SLC14A2: variants seen among roughly 807,000 people sequenced by gnomAD.
SLC14A2 encodes the protein urea transporter 2.
A neutral mutation model predicts 104.6 loss-of-function variants in SLC14A2; 91 were observed. The ratio of observed to expected loss-of-function variants is 0.87; its 90% CI spans 0.73 to 1.04. The LOEUF is 1.04. Among genes scored for constraint, SLC14A2 ranks in the 50% least tolerant of loss-of-function variants. The pLI, the probability that SLC14A2 is intolerant of heterozygous loss-of-function variation, is 0.00. For missense variants in SLC14A2, 1,189 were observed against 1,156.0 expected (o/e 1.03, Z -0.41); for synonymous variants, 476 against 466.4 (o/e 1.02, Z -0.27).
intron 1 of SLC14A2, among the ~76,000 whole-genome samples, chr18:45,276,376 A>G (rs1190642185): frequency 6.6e-6 from 1 of 152,228 alleles, no homozygotes; most frequent in Non-Finnish European, 1.5e-5. Context: ...GACATAGAAG[A>G]GGCTTTGAAA....
intron 1 of SLC14A2, among the ~76,000 whole-genome samples, chr18:45,407,684 G>A (rs1218670467): frequency 6.6e-6 from 1 of 152,128 alleles, no homozygotes; most frequent in Non-Finnish European, 1.5e-5. Context: ...TGAATACTTA[G>A]AGGCCATTGT....
chr18:45,209,549 C>CT (rs538460084), upstream of SLC14A2, among the ~76,000 whole-genome samples: 18,743 of 122,970 alleles, frequency 0.15, 1,440 homozygotes, highest in African/African-American at 0.27. Flanking sequence ...CTTCCTTTTT[C>CT]TTTTTTTTTT....
intron 1 of SLC14A2, among the ~76,000 whole-genome samples, chr18:45,342,033 G>A (rs1170121587): frequency 6.6e-6 from 1 of 152,152 alleles, no homozygotes. Flanking sequence ...ATTAAATACA[G>A]CATCTTTAAA....
intron 1 of SLC14A2, among the ~76,000 whole-genome samples, chr18:45,233,279 G>T (rs1406958512): frequency 6.6e-6 from 1 of 152,160 alleles, no homozygotes; most frequent in Non-Finnish European, 1.5e-5. Flanking sequence ...CTTAAGGTCA[G>T]CATTCTCCTG....
At chr18:45,365,251 G>T (rs563508377) in intron 1 of SLC14A2, among the ~76,000 whole-genome samples, 5 of 152,154 alleles carry the variant, frequency 3.3e-5, no homozygotes, top group African/African-American at 9.7e-5. Context: ...CCTTTTTCTA[G>T]CTCTGTGACC....
the SLC14A2 span, among the ~76,000 whole-genome samples, chr18:45,170,205 C>A: frequency 6.6e-6 from 1 of 152,056 alleles, no homozygotes; most frequent in African/African-American, 2.4e-5. Flanking sequence ...ATAGTTAGAC[C>A]AGATTCCTAG....
chr18:45,362,648 A>G (rs12963037), intron 1 of SLC14A2, among the ~76,000 whole-genome samples: 8,260 of 152,268 alleles, frequency 0.054, 468 homozygotes, highest in African/African-American at 0.13. Context: ...CAGGAAAATC[A>G]GAGGATTTAG....
At chr18:45,458,063 T>A (rs953337323) in intron 1 of SLC14A2, among the ~76,000 whole-genome samples, 3 of 152,106 alleles carry the variant, frequency 2.0e-5, no homozygotes, top group African/African-American at 7.2e-5. Flanking sequence ...GTTCTGAATG[T>A]GAGGTAATAG....
intron 1 of SLC14A2, among the ~76,000 whole-genome samples, chr18:45,422,657 G>C (rs751208222): frequency 6.6e-6 from 1 of 152,194 alleles, no homozygotes; most frequent in Non-Finnish European, 1.5e-5. Flanking sequence ...GGATCCTACA[G>C]AGAGACAGAA....
chr18:45,645,911 C>T (rs2045617988), intron 10 of SLC14A2, among the ~76,000 whole-genome samples: 1 of 152,124 alleles, frequency 6.6e-6, no homozygotes, highest in African/African-American at 2.4e-5. Context: ...GGGCGGTGCA[C>T]AGGCCCAAAC....
intron 1 of SLC14A2, among the ~76,000 whole-genome samples, chr18:45,442,228 C>G (rs1465349125): frequency 6.6e-6 from 1 of 152,158 alleles, no homozygotes; most frequent in Non-Finnish European, 1.5e-5. Context: ...GAGGATAGGA[C>G]TATTCAAAGG....
chr18:45,674,749 G>A (rs533178205), intron 18 of SLC14A2, among the ~76,000 whole-genome samples: 4 of 152,232 alleles, frequency 2.6e-5, no homozygotes, highest in South Asian at 2.1e-4. Context: ...TTCGTATTTT[G>A]CAAACGAGGA....
At chr18:45,302,877 A>G (rs2084982004) in intron 1 of SLC14A2, among the ~76,000 whole-genome samples, 1 of 152,206 alleles carries the variant, frequency 6.6e-6, no homozygotes, top group South Asian at 2.1e-4. Context: ...TAACCAGCCA[A>G]GCTACCAAAA....
At chr18:45,322,003 G>T (rs1214312385) in intron 1 of SLC14A2, among the ~76,000 whole-genome samples, 3 of 152,140 alleles carry the variant, frequency 2.0e-5, no homozygotes, top group Non-Finnish European at 2.9e-5. Context: ...GAACAAGGGG[G>T]TGATAAAGAG....
At chr18:45,424,036 T>C (rs944645242) in intron 1 of SLC14A2, 3 of 152,216 alleles carry the variant, frequency 2.0e-5, no homozygotes, top group Admixed American at 1.3e-4. Flanking sequence ...TGCTAACCAA[T>C]GCCACTCTTG....
chr18:45,442,094 C>T (rs149164348), intron 1 of SLC14A2, among the ~76,000 whole-genome samples: 14 of 152,180 alleles, frequency 9.2e-5, no homozygotes, highest in Admixed American at 3.9e-4. Context: ...CACAATTTCC[C>T]GTACCTGAGA....
At chr18:45,227,606 C>G (rs1195431412) in intron 1 of SLC14A2, among the ~76,000 whole-genome samples, 1 of 152,210 alleles carries the variant, frequency 6.6e-6, no homozygotes, top group Non-Finnish European at 1.5e-5. Context: ...CTTAAAGGCC[C>G]CACCTTTTAA....
In SLC14A2 at chr18:45,667,925, A is replaced by G. The variant is rs1478691017; in HGVS notation, c.1810A>G (p.Ile604Val). 6.2e-7 allele frequency: 1 copy of G among 1,614,036 alleles called. No homozygotes were observed. The highest frequency in any genetic ancestry group is 2.2e-5 in the East Asian group (1 of 44,882). ...CAACCCCCTCAGCGGCATCCTCATC[A>G]TCCTCGGCCTCTTCATCCAGAACCC... ...VNNPLSGILI[I>V]LGLFIQNPWW... The change falls in exon 14 of 20, where the codon ATC becomes GTC. Residue 604 changes from isoleucine (I) to valine (V), a missense_variant. Coordinates refer to ENST00000255226, the MANE Select transcript of SLC14A2 (RefSeq NM_007163.4).
chr18:45,351,964 G>A (rs1005388077), intron 1 of SLC14A2, among the ~76,000 whole-genome samples: 5 of 152,088 alleles, frequency 3.3e-5, no homozygotes, highest in Non-Finnish European at 7.3e-5. Flanking sequence ...GGACCATCAG[G>A]GAGACAGATA....
Sources: allele counts gnomAD v4.1 joint callset (sites outside exome capture counted in the v4.1 genomes callset), GRCh38; gene constraint gnomAD v4.1.1; transcripts MANE v1.5; gene names NCBI Gene and HGNC (gene_info 2026-07-23, HGNC 2026-07-21).